The following UBE2O variants were observed in gnomAD, a reference collection of about 807,000 sequenced individuals.
UBE2O encodes the protein ubiquitin conjugating enzyme E2 O.
In UBE2O, 15 loss-of-function variants were observed where a neutral mutation model predicts 125.8. The observed-to-expected ratio is 0.12, with a 90% confidence interval of 0.08 to 0.18. UBE2O has a LOEUF of 0.18. Among genes scored for constraint, UBE2O ranks in the 10% least tolerant of loss-of-function variants. The pLI is 1.00. For synonymous variants in UBE2O, 708 were observed against 703.2 expected, an observed-to-expected ratio of 1.01 and a Z score of -0.11; for missense variants, 1,280 against 1,723.6, an observed-to-expected ratio of 0.74 and a Z score of 4.56.
chr17:76,396,485 T>C lies in UBE2O; in HGVS notation c.2452A>G (p.Ile818Val). 1 of 1,614,020 alleles carries C rather than the reference T, an allele frequency of 6.2e-7. No homozygotes were observed. The highest frequency in any genetic ancestry group is 1.7e-5 in the Admixed American group (1 of 59,996). ...PKSFRELKEA[I>V]KILESLKNMT... ...TTCTTGAGGCTCTCCAGGATCTTGATGGCCTCTTTCAACTCCCGGAAGCTC... is the reference window on the plus strand; with the variant it reads ...TTCTTGAGGCTCTCCAGGATCTTGACGGCCTCTTTCAACTCCCGGAAGCTC... The change falls in exon 14 of 18, where the codon ATC becomes GTC. Residue 818 changes from isoleucine (I) to valine (V), a missense_variant. Ile to Val is a conservative substitution (Grantham distance 29, BLOSUM62 3). Transcript: ENST00000319380. This position sits in a 1 kb window ranked among gnomAD's most constrained non-coding sequence, Gnocchi z 6.7.
At position 76,452,989 on chromosome 17, in the gene UBE2O, G is replaced by T; in HGVS notation, c.153C>A (p.Gly51=). The T allele has an allele frequency of 1.3e-6, 2 of 1,491,994 alleles. No homozygotes were observed. Among genetic ancestry groups the T allele is most frequent in the South Asian group, 2.6e-5 (2 of 78,318 alleles). The allele number at this position is 1,491,994 out of a possible 1,614,324, so 92.4% of individuals were successfully genotyped here. A position where few individuals can be genotyped will look rare whatever the true frequency, so the allele number is the denominator to read the frequency against. Residue 51 remains glycine, a synonymous_variant, in exon 1 of 18, where the codon GGC becomes GGA. Transcript: ENST00000319380. This position sits in a 1 kb window ranked among gnomAD's most constrained non-coding sequence, Gnocchi z 4.4. ...DSASGPSSDS[G]PEAGSQRLLF... is the part of the protein sequence containing the mutation. The stretch of plus-strand genomic sequence containing the variant: ...GCAGGCGCTGCGAGCCGGCTTCTGG[G>T]CCGGAGTCCGAGGACGGCCCGGAGG...
At chr17:76,435,522 C>CAT (rs909509116) in intron 1 of UBE2O, among the ~76,000 whole-genome samples, 38 of 152,196 alleles carry the variant, frequency 2.5e-4, no homozygotes, top group African/African-American at 7.7e-4. Context: ...ATATTCCCCC[C>CAT]GTTTACTGCA....
In UBE2O at chr17:76,416,008, T is replaced by C. The variant is rs146409025; in HGVS notation, c.418-10436A>G. ...ATGCACATACACGTATATACGTATG[T>C]GTATACATATGTACACACACGTATA... On this transcript the variant is annotated intron_variant, in intron 1 of 17. Coordinates refer to ENST00000319380, the MANE Select transcript of UBE2O (RefSeq NM_022066.4). Among the ~76,000 whole-genome samples, 109 of 147,928 alleles carry C rather than the reference T, an allele frequency of 7.4e-4. 1 individual carries two copies. Among genetic ancestry groups the C allele is most frequent in the African/African-American group, 2.6e-3 (98 of 38,224 alleles).
chr17:76,436,012 T>C (rs1158579027), intron 1 of UBE2O, among the ~76,000 whole-genome samples: 1 of 152,192 alleles, frequency 6.6e-6, no homozygotes, highest in East Asian at 1.9e-4. Flanking sequence ...TTTGGGAGGC[T>C]GAGACGGGCG....
Position 76,452,826 on chromosome 17 carries a change from C to T in UBE2O, c.316G>A (p.Gly106Ser), listed in dbSNP as rs1345144244. ...GCCCGGCCCTCCTCGTGGCCCGCGCCCCCGGCCTCGGAGCACCCCGAGCTC... is the reference window on the plus strand; with the variant it reads ...GCCCGGCCCTCCTCGTGGCCCGCGCTCCCGGCCTCGGAGCACCCCGAGCTC... ...RGSSGCSEAGGAGHEEGRASP... is the reference protein window; with the variant it reads ...RGSSGCSEAGSAGHEEGRASP... Residue 106 changes from glycine (G) to serine (S), a missense_variant, in exon 1 of 18, where the codon GGC becomes AGC. This residue lies in a region of UBE2O where 188 missense variants were observed against 192.5 expected (regional missense o/e 0.98). Transcript: ENST00000319380. This position sits in a 1 kb window ranked among gnomAD's most constrained non-coding sequence, Gnocchi z 4.4. The T allele has an allele frequency of 6.6e-7, 1 of 1,506,500 alleles. No homozygotes were observed. The highest frequency in any genetic ancestry group is 2.2e-5 in the Admixed American group (1 of 45,398). The allele number at this position is 1,506,500 out of a possible 1,614,324, so 93.3% of individuals were successfully genotyped here. A position where few individuals can be genotyped will look rare whatever the true frequency, so the allele number is the denominator to read the frequency against.
intron 1 of UBE2O, among the ~76,000 whole-genome samples, chr17:76,427,816 C>T (rs1342906853): frequency 6.6e-6 from 1 of 152,208 alleles, no homozygotes; most frequent in Non-Finnish European, 1.5e-5. Context: ...TTCTCTGATC[C>T]CATGGGGGAA....
intron 1 of UBE2O, among the ~76,000 whole-genome samples, chr17:76,434,760 C>T (rs2072959344): frequency 2.0e-5 from 3 of 148,058 alleles, no homozygotes; most frequent in African/African-American, 5.0e-5. Context: ...TCTGGAAATG[C>T]TTTTTCACTT....
rs769252844 is a variant in UBE2O at position 76,398,238 on chromosome 17, TG to T, written c.2025+16del. 1 of 1,614,014 alleles carries T rather than the reference TG, an allele frequency of 6.2e-7. No individual in the cohort carries two copies. On this transcript the variant is annotated intron_variant, in intron 12 of 17. Transcript: ENST00000319380. The surrounding 1 kb of genome is among the most constrained non-coding windows in gnomAD (Gnocchi z 5.4). ...GGGCAGTGAGCAGCCATCCAGAACT[TG>T]AATTTGAAGGCGTACCTCATCCTCC...
chr17:76,447,004 G>C (rs2073162441), intron 1 of UBE2O, among the ~76,000 whole-genome samples: 1 of 152,170 alleles, frequency 6.6e-6, no homozygotes, highest in African/African-American at 2.4e-5. Context: ...CTCCCGTCCT[G>C]CTCCCTACCC....
chr17:76,390,732 G>C lies in UBE2O; in HGVS notation c.*211C>G. 2.1e-6 allele frequency: 1 copy of C among 473,246 alleles called. No homozygotes were observed. Among genetic ancestry groups the C allele is most frequent in the Non-Finnish European group, 3.7e-6 (1 of 271,438 alleles). The allele number at this position is 473,246 out of a possible 1,614,324, so 29.3% of individuals were successfully genotyped here. ...GGTTCCGATTTTCTTTGCCACAGGG[G>C]ACCCGCCTGTTGAAAGCTCGCTTCA... On this transcript the variant is annotated 3_prime_UTR_variant, in exon 18 of 18. Transcript: ENST00000319380.
intron 1 of UBE2O, among the ~76,000 whole-genome samples, chr17:76,438,077 A>C (rs1169538350): frequency 1.3e-5 from 2 of 152,178 alleles, no homozygotes; most frequent in Non-Finnish European, 2.9e-5. Flanking sequence ...GCTCATGAGA[A>C]GCTTGAGTCT....
rs544898757 is a variant in UBE2O, at chr17:76,405,157, G to A, written c.588+49C>T. Reference sequence around the variant, plus strand: ...TGTAGCCCAGAGGTCGTGCCGCCGAGAGAACCAGAGGGCCCAGAAAGGATG... The same window carrying A: ...TGTAGCCCAGAGGTCGTGCCGCCGAAAGAACCAGAGGGCCCAGAAAGGATG... On this transcript the variant is annotated intron_variant, in intron 3 of 17. Coordinates refer to ENST00000319380, the MANE Select transcript of UBE2O (RefSeq NM_022066.4). This position sits in a 1 kb window ranked among gnomAD's most constrained non-coding sequence, Gnocchi z 6.1. 5.6e-6 allele frequency: 8 copies of A among 1,433,056 alleles called. No individual in the cohort carries two copies. In the African/African-American group the frequency reaches 1.1e-4, roughly 20 times the overall value. 88.8% of individuals were successfully genotyped at this position (1,433,056 alleles called of 1,614,324 possible).
intron 1 of UBE2O, among the ~76,000 whole-genome samples, chr17:76,426,404 C>G (rs967858275): frequency 1.3e-5 from 2 of 152,216 alleles, no homozygotes; most frequent in Non-Finnish European, 2.9e-5. Context: ...GAGTACCTGT[C>G]TTAACTGGCA....
intron 1 of UBE2O, among the ~76,000 whole-genome samples, chr17:76,422,660 A>C (rs1477717996): frequency 6.6e-6 from 1 of 152,216 alleles, no homozygotes; most frequent in Admixed American, 6.5e-5. Context: ...GTTCCCCCAG[A>C]TAGCTGCACC....
At position 76,398,263 on chromosome 17, in the gene UBE2O, C is replaced by T. The variant is rs899178330; in HGVS notation, c.2017G>A (p.Glu673Lys). ...TGAATTTGAAGGCGTACCTCATCCT[C>T]CTTGTGAGGAGCCCCATCCTCAGTA... Reference protein sequence around the residue: ...GNTEDGAPHKEDEPSVGQVAR... With the variant: ...GNTEDGAPHKKDEPSVGQVAR... Residue 673 changes from glutamate (E) to lysine (K), a missense_variant, in exon 12 of 18, where the codon GAG becomes AAG. Around this residue, in one of 10 missense-constraint regions of UBE2O, gnomAD observed 210 missense variants for 268.9 expected, o/e 0.78. Coordinates refer to ENST00000319380, the MANE Select transcript of UBE2O (RefSeq NM_022066.4). The surrounding 1 kb of genome is among the most constrained non-coding windows in gnomAD (Gnocchi z 5.4). 6.2e-7 allele frequency: 1 copy of T among 1,614,238 alleles called. No individual in the cohort carries two copies. Among genetic ancestry groups the T allele is most frequent in the African/African-American group, 1.3e-5 (1 of 75,070 alleles).
At position 76,397,894 on chromosome 17, in the gene UBE2O, G is replaced by C. The variant is rs201081174; in HGVS notation, c.2026-6C>G. The C allele has an allele frequency of 1.9e-4, 305 of 1,613,904 alleles. No homozygotes were observed. Among genetic ancestry groups the C allele is most frequent in the Admixed American group, 4.5e-4 (27 of 60,030 alleles). On this transcript the variant is annotated splice_region_variant and splice_polypyrimidine_tract_variant and intron_variant, in intron 12 of 17. Transcript: ENST00000319380. ...GCCACCTGGCCCACCGATGGCTGCT[G>C]GGCAAAGGGGACAAAGTCAGGGGGC...
rs2072204730 is a variant in UBE2O, at chr17:76,396,153, G to A, written c.2784C>T (p.Val928=). The A allele has an allele frequency of 6.2e-7, 1 of 1,612,960 alleles. No homozygotes were observed. Among genetic ancestry groups the A allele is most frequent in the Non-Finnish European group, 8.5e-7 (1 of 1,179,372 alleles). The change falls in exon 14 of 18, where the codon GTC becomes GTT. Residue 928 remains valine, a synonymous_variant. Transcript: ENST00000319380. This position sits in a 1 kb window ranked among gnomAD's most constrained non-coding sequence, Gnocchi z 6.7. ...GVTFTSAKGE[V]FSVLEFAPSN... ...AGGGTGCAAACTCCAGTACGGAGAA[G>A]ACCTCGCCCTTGGCGCTGGTGAAGG...
At chr17:76,418,745 A>AT (rs1248687090) in intron 1 of UBE2O, among the ~76,000 whole-genome samples, 2 of 151,926 alleles carry the variant, frequency 1.3e-5, no homozygotes, top group African/African-American at 2.4e-5. Flanking sequence ...AACTTTTTGT[A>AT]TTTTTAGTAG....
intron 1 of UBE2O, among the ~76,000 whole-genome samples, chr17:76,442,308 T>C (rs1018030169): frequency 3.3e-5 from 5 of 152,300 alleles, no homozygotes; most frequent in Admixed American, 2.0e-4. Flanking sequence ...TTATTCATAG[T>C]ACTCTCAAAA....
Sources: allele counts gnomAD v4.1 joint callset (sites outside exome capture counted in the v4.1 genomes callset), GRCh38; gene constraint gnomAD v4.1.1; regional missense constraint gnomAD v4.1.1; non-coding constraint Gnocchi (gnomAD v3.1); transcripts MANE v1.5; gene names NCBI Gene and HGNC (gene_info 2026-07-23, HGNC 2026-07-21).